The following DTD1 variants were observed in gnomAD, a reference collection of about 807,000 sequenced individuals.
DTD1 encodes the protein D-tyrosyl-tRNA deacylase 1 homolog.
DTD1 carries 13 observed loss-of-function variants against 25.6 expected under a neutral mutation model. The ratio of observed to expected loss-of-function variants is 0.51; its 90% CI spans 0.33 to 0.81. The LOEUF (loss-of-function observed/expected upper bound fraction) is 0.81, where lower values mean the gene tolerates loss of function less well. Ranked by LOEUF, DTD1 falls within the 30% of genes least tolerant of loss-of-function variation. The probability of loss-of-function intolerance (pLI) is 0.02; values close to 1 mark genes in which losing one functional copy is unlikely to be tolerated. For synonymous variants in DTD1, 110 were observed against 103.6 expected, an observed-to-expected ratio of 1.06 and a Z score of -0.37; for missense variants, 193 against 266.4, an observed-to-expected ratio of 0.72 and a Z score of 1.92.
chr20:18,628,157 A>G lies in DTD1; in HGVS notation c.401A>G (p.His134Arg). ...AAGTTTGGGGCCTACATGCAGGTGC[A>G]CATTCAGAATGATGGGCCTGTGACC... ...DGKFGAYMQVHIQNDGPVTIE... is the reference protein window; with the variant it reads ...DGKFGAYMQVRIQNDGPVTIE... Residue 134 changes from histidine to arginine, a missense_variant, in exon 4 of 6, where the codon CAC (histidine) becomes CGC (arginine). Coordinates refer to ENST00000377452, the MANE Select transcript of DTD1 (RefSeq NM_080820.6). 6.2e-7 allele frequency: 1 copy of G among 1,613,842 alleles called. No homozygotes were observed. Among genetic ancestry groups the G allele is most frequent in the Non-Finnish European group, 8.5e-7 (1 of 1,179,832 alleles).
intron 4 of DTD1, among the ~76,000 whole-genome samples, chr20:18,641,411 C>G (rs1235532042): frequency 6.6e-6 from 1 of 152,102 alleles, no homozygotes; most frequent in African/African-American, 2.4e-5. Flanking sequence ...TTTGAGGAAC[C>G]ACTATACTGT....
At chr20:18,638,527 G>A (rs967598254) in intron 4 of DTD1, among the ~76,000 whole-genome samples, 6 of 152,190 alleles carry the variant, frequency 3.9e-5, no homozygotes, top group Non-Finnish European at 8.8e-5. Flanking sequence ...AAGGAAGAGT[G>A]CCAGACAGAG....
chr20:18,618,594 TATAC>T (rs1327120433), intron 3 of DTD1, among the ~76,000 whole-genome samples: 2 of 150,150 alleles, frequency 1.3e-5, no homozygotes, highest in Non-Finnish European at 3.0e-5. Context: ...AAAAATTATA[TATAC>T]ATACATATGT....
Position 18,596,256 on chromosome 20 carries a change from C to G in DTD1, c.370+15C>G. 1 of 1,609,020 alleles carries G rather than the reference C, an allele frequency of 6.2e-7. No individual in the cohort carries two copies. The highest frequency in any genetic ancestry group is 8.5e-7 in the Non-Finnish European group (1 of 1,176,138). ...GCTTATCAAAGGTAAGCAGGAGAGC[C>G]ACATCCAGGAACGGGTCTTTGGGAC... On this transcript the variant is annotated intron_variant, in intron 3 of 5. Coordinates refer to ENST00000377452, the MANE Select transcript of DTD1 (RefSeq NM_080820.6).
At position 18,708,658 on chromosome 20, in the gene DTD1, G is replaced by A. The variant is rs192802935; in HGVS notation, c.478-35442G>A. 1.8e-3 allele frequency among the ~76,000 whole-genome samples: 270 copies of A among 151,862 alleles called. 1 individual carries two copies. Among genetic ancestry groups the A allele is most frequent in the Admixed American group, 3.5e-3 (54 of 15,242 alleles). ...GGCATGAGCCACTGCGCCCGGCCAC[G>A]AACTGCTGTAAACATTTCTAAACAC... On this transcript the variant is annotated intron_variant, in intron 4 of 5. Coordinates refer to ENST00000377452, the MANE Select transcript of DTD1 (RefSeq NM_080820.6).
chr20:18,750,621 A>T (rs907638523), intron 5 of DTD1, among the ~76,000 whole-genome samples: 9 of 152,178 alleles, frequency 5.9e-5, no homozygotes, highest in Non-Finnish European at 1.5e-5. Flanking sequence ...CACATTGCAA[A>T]TGTTGCTTCT....
chr20:18,663,469 C>G (rs539167378), intron 4 of DTD1, among the ~76,000 whole-genome samples: 1 of 152,170 alleles, frequency 6.6e-6, no homozygotes, highest in African/African-American at 2.4e-5. Flanking sequence ...CAGTCACATG[C>G]CACATAATGA....
Position 18,628,291 on chromosome 20 carries a change from G to A in DTD1, c.477+58G>A. The A allele has an allele frequency of 2.2e-6, 3 of 1,369,906 alleles. No homozygotes were observed. The South Asian group carries it at 3.6e-5, about 16-fold the overall frequency. The allele number at this position is 1,369,906 out of a possible 1,614,324, so 84.9% of individuals were successfully genotyped here. ...CTTGGGTGCCTGTAACATCCCTTTA[G>A]TCCCTGGAAGAGTCCTCGGTCTGAG... On this transcript the variant is annotated intron_variant, in intron 4 of 5. Transcript: ENST00000377452.
chr20:18,682,648 T>C (rs1054078731), intron 4 of DTD1, among the ~76,000 whole-genome samples: 24 of 152,200 alleles, frequency 1.6e-4, no homozygotes, highest in African/African-American at 5.5e-4. Flanking sequence ...CCTTAGAGCA[T>C]ACAAGAGGAA....
At chr20:18,670,061 C>A (rs953994939) in intron 4 of DTD1, among the ~76,000 whole-genome samples, 1 of 152,200 alleles carries the variant, frequency 6.6e-6, no homozygotes, top group Non-Finnish European at 1.5e-5. Flanking sequence ...GCCCTCTTCT[C>A]TCTAGCTTGG....
intron 4 of DTD1, among the ~76,000 whole-genome samples, chr20:18,647,680 G>C (rs181824924): frequency 2.9e-4 from 44 of 152,260 alleles, no homozygotes; most frequent in African/African-American, 8.9e-4. Flanking sequence ...AGCCAGATGT[G>C]GCAATGCTGT....
intron 3 of DTD1, among the ~76,000 whole-genome samples, chr20:18,596,695 G>A (rs1884878): frequency 0.84 from 127,240 of 151,886 alleles, 54,218 homozygotes; most frequent in Non-Finnish European, 0.93. Context: ...TTACTATGTA[G>A]TCGTTATAAA....
Position 18,676,893 on chromosome 20 carries a change from C to A in DTD1, c.477+48660C>A, listed in dbSNP as rs564317464. 9.9e-5 allele frequency among the ~76,000 whole-genome samples: 15 copies of A among 152,266 alleles called. No individual in the cohort carries two copies. In the South Asian group the frequency reaches 2.7e-3, roughly 27 times the overall value. Reference sequence around the variant, plus strand: ...CTTGAGTAATTCCATATCAAGCCCCCCAAAAGGGCAGGAAAGGGAAGGAGA... The same window carrying A: ...CTTGAGTAATTCCATATCAAGCCCCACAAAAGGGCAGGAAAGGGAAGGAGA... On this transcript the variant is annotated intron_variant, in intron 4 of 5. Transcript: ENST00000377452.
At chr20:18,617,823 A>G (rs1039229325) in intron 3 of DTD1, among the ~76,000 whole-genome samples, 1 of 152,226 alleles carries the variant, frequency 6.6e-6, no homozygotes, top group Non-Finnish European at 1.5e-5. Context: ...GCTTTAAAAA[A>G]AAATTCACAG....
chr20:18,656,570 A>G (rs1340324326), intron 4 of DTD1, among the ~76,000 whole-genome samples: 5 of 152,172 alleles, frequency 3.3e-5, no homozygotes, highest in Non-Finnish European at 7.3e-5. Context: ...AGGTAACACG[A>G]AGGAGCACAT....
chr20:18,629,296 CTTTTTTTTT>C (rs35174616), intron 4 of DTD1, among the ~76,000 whole-genome samples: 1 of 69,222 alleles, frequency 1.4e-5, no homozygotes, highest in Non-Finnish European at 2.6e-5. Context: ...TGTGCTCGGC[CTTTTTTTTT>C]TTTTTTTTTT....
chr20:18,753,607 C>CAAAA (rs58081760), intron 5 of DTD1, among the ~76,000 whole-genome samples: 10 of 65,362 alleles, frequency 1.5e-4, no homozygotes, highest in Admixed American at 8.2e-4. Context: ...AACTCTGTCT[C>CAAAA]AAAAAAAAAA....
chr20:18,640,629 ATT>A (rs61085364), intron 4 of DTD1, among the ~76,000 whole-genome samples: 14,720 of 140,140 alleles, frequency 0.11, 999 homozygotes, highest in East Asian at 0.34. Flanking sequence ...TATCTGCAGA[ATT>A]TTTTTTTTTT....
At chr20:18,622,057 C>G (rs1006594720) in intron 3 of DTD1, among the ~76,000 whole-genome samples, 9 of 122,768 alleles carry the variant, frequency 7.3e-5, no homozygotes, top group Non-Finnish European at 1.7e-4. Flanking sequence ...GAGCGAGACT[C>G]TGTCTCAAAA....
Sources: gnomAD v4.1 joint callset for allele counts (sites outside exome capture counted in the v4.1 genomes callset) on GRCh38, gnomAD v4.1.1 for gene constraint, MANE v1.5 for transcripts, NCBI Gene and HGNC (gene_info 2026-07-23, HGNC 2026-07-21) for gene names.